Variants in NINJ2 observed in about 807,000 individuals in gnomAD.
NINJ2 encodes the protein ninjurin 2, also known as ninjurin-2.
Under a neutral mutation model 11.7 loss-of-function variants are expected in NINJ2, and 12 were observed. That is an observed-to-expected ratio of 1.02 (90% CI 0.66 to 1.66). NINJ2 has a LOEUF of 1.66. Ranked by LOEUF, NINJ2 falls within the 40% of genes most tolerant of loss-of-function variation. The pLI, the probability that NINJ2 is intolerant of heterozygous loss-of-function variation, is 0.00. For missense variants in NINJ2, 187 were observed against 181.8 expected (o/e 1.03, Z -0.16); for synonymous variants, 93 against 76.8 (o/e 1.21, Z -1.10).
chr12:621,552 G>A (rs1029807259), intron 1 of NINJ2, among the ~76,000 whole-genome samples: 1 of 152,142 alleles, frequency 6.6e-6, no homozygotes, highest in Non-Finnish European at 1.5e-5. Flanking sequence ...TGGGCACAGT[G>A]GTTCACAACT....
At chr12:575,657 A>T (rs1454473015) in intron 1 of NINJ2, among the ~76,000 whole-genome samples, 1 of 152,178 alleles carries the variant, frequency 6.6e-6, no homozygotes, top group Admixed American at 6.5e-5. Context: ...CACAGGCCTG[A>T]GTCTCCATGG....
intron 1 of NINJ2, among the ~76,000 whole-genome samples, chr12:638,031 C>G (rs1948374092): frequency 1.3e-5 from 2 of 152,200 alleles, no homozygotes; most frequent in Admixed American, 6.5e-5. Flanking sequence ...TCAGGGAAAA[C>G]AACACTGGAA....
At chr12:643,457 G>A in intron 1 of NINJ2, 4 of 988,268 alleles carry the variant, frequency 4.0e-6, no homozygotes, top group Non-Finnish European at 4.8e-6. Context: ...CTAGGGAGGG[G>A]AGAAGGGAAG....
chr12:590,674 C>T (rs1947705930), intron 1 of NINJ2: 1 of 152,212 alleles, frequency 6.6e-6, no homozygotes, highest in East Asian at 1.9e-4. Flanking sequence ...ATGCTTACAG[C>T]TGATCAGAAC....
At chr12:611,859 GC>G (rs1273517823) in intron 1 of NINJ2, among the ~76,000 whole-genome samples, 1 of 152,190 alleles carries the variant, frequency 6.6e-6, no homozygotes, top group Non-Finnish European at 1.5e-5. Context: ...GTAGGAGGTT[GC>G]CCCCCAATAT....
chr12:627,342 T>A (rs1479898270), intron 1 of NINJ2, among the ~76,000 whole-genome samples: 1 of 152,178 alleles, frequency 6.6e-6, no homozygotes, highest in South Asian at 2.1e-4. Context: ...TGCCTTGCAA[T>A]CAAACAGGTG....
chr12:598,708 C>CT (rs1180130616), intron 1 of NINJ2, among the ~76,000 whole-genome samples: 3 of 151,598 alleles, frequency 2.0e-5, no homozygotes, highest in Non-Finnish European at 4.4e-5. Flanking sequence ...TTAATTTTAA[C>CT]TTTTTTTTTG....
intron 1 of NINJ2, among the ~76,000 whole-genome samples, chr12:613,800 G>A (rs1163832726): frequency 1.3e-5 from 2 of 152,118 alleles, no homozygotes; most frequent in Admixed American, 1.3e-4. Context: ...AGCTACTCAG[G>A]AGGCTGAGGC....
At chr12:577,436 T>A (rs999559645) in intron 1 of NINJ2, among the ~76,000 whole-genome samples, 1 of 141,112 alleles carries the variant, frequency 7.1e-6, no homozygotes, top group African/African-American at 2.6e-5. Flanking sequence ...TATACATATA[T>A]ATATATAAAT....
At chr12:619,878 T>C (rs908852994) in intron 1 of NINJ2, among the ~76,000 whole-genome samples, 4 of 152,234 alleles carry the variant, frequency 2.6e-5, no homozygotes, top group African/African-American at 9.6e-5. Context: ...GTCATTGACC[T>C]CTCTAAGCTT....
intron 1 of NINJ2, among the ~76,000 whole-genome samples, chr12:574,732 TCA>T (rs1947429886): frequency 6.6e-6 from 1 of 152,214 alleles, no homozygotes; most frequent in African/African-American, 2.4e-5. Context: ...TCACCCAGTC[TCA>T]GTTATTCTGT....
intron 1 of NINJ2, among the ~76,000 whole-genome samples, chr12:578,523 G>T (rs1298583429): frequency 6.6e-6 from 1 of 152,082 alleles, no homozygotes; most frequent in African/African-American, 2.4e-5. Context: ...TCGCTATGTT[G>T]CCCAGGCTGG....
intron 1 of NINJ2, among the ~76,000 whole-genome samples, chr12:653,184 C>A (rs1038194424): frequency 6.6e-6 from 1 of 151,576 alleles, no homozygotes; most frequent in African/African-American, 2.4e-5. Context: ...CCATGCCTGG[C>A]TAATGTTTTG....
chr12:575,591 A>G (rs1947445138), intron 1 of NINJ2, among the ~76,000 whole-genome samples: 1 of 152,112 alleles, frequency 6.6e-6, no homozygotes. Flanking sequence ...GGCGTTGTTG[A>G]GTCCTCCTGA....
Position 649,531 on chromosome 12 carries a change from G to GTGTGTA in NINJ2, c.33+13796_33+13797insTACACA, listed in dbSNP as rs139452771. Reference sequence around the variant, plus strand: ...AGTGAATATGTGTGTGTGTATATGTGTATATATATATATATATATATAGTA... The same window carrying GTGTGTA: ...AGTGAATATGTGTGTGTGTATATGTGTGTGTATATATATATATATATATATATAGTA... On this transcript the variant is annotated intron_variant, in intron 1 of 3. Coordinates refer to ENST00000305108, the MANE Select transcript of NINJ2 (RefSeq NM_016533.6). Among the ~76,000 whole-genome samples the GTGTGTA allele has an allele frequency of 3.8e-4, 49 of 127,698 alleles. No homozygotes were observed. The South Asian group carries it at 8.0e-3, about 21-fold the overall frequency. The allele number at this position is 127,698 out of a possible 152,430, so 83.8% of individuals were successfully genotyped here.
chr12:631,985 T>G (rs901511741), intron 1 of NINJ2, among the ~76,000 whole-genome samples: 43 of 152,002 alleles, frequency 2.8e-4, no homozygotes, highest in African/African-American at 8.9e-4. Flanking sequence ...GGCATGCAGA[T>G]GAGAAGATAA....
chr12:654,876 A>T (rs1937850801), intron 1 of NINJ2, among the ~76,000 whole-genome samples: 1 of 151,264 alleles, frequency 6.6e-6, no homozygotes, highest in African/African-American at 2.4e-5. Context: ...GGGCAACAAG[A>T]TCCAAACTCC....
chr12:572,850 A>ATTT (rs539715060), intron 1 of NINJ2, among the ~76,000 whole-genome samples: 328 of 96,034 alleles, frequency 3.4e-3, no homozygotes, highest in Middle Eastern at 7.1e-3. Context: ...AGAGCCTGTA[A>ATTT]TTTTTTTTTT....
At chr12:609,435 C>T (rs1001209234) in intron 1 of NINJ2, among the ~76,000 whole-genome samples, 2 of 152,190 alleles carry the variant, frequency 1.3e-5, no homozygotes, top group Non-Finnish European at 2.9e-5. Flanking sequence ...TTTTGTAGTC[C>T]TTGTGAGCTG....
Sources: gnomAD v4.1 joint callset for allele counts (sites outside exome capture counted in the v4.1 genomes callset) on GRCh38, gnomAD v4.1.1 for gene constraint, MANE v1.5 for transcripts, NCBI Gene and HGNC (gene_info 2026-07-23, HGNC 2026-07-21) for gene names.